PTPRU: variants seen among roughly 807,000 people sequenced by gnomAD.
PTPRU encodes receptor-type tyrosine-protein phosphatase U.
In PTPRU, 69 loss-of-function variants were observed where a neutral mutation model predicts 166.3. The observed-to-expected ratio is 0.41, with a 90% CI of 0.34 to 0.51. The LOEUF is 0.51. Among genes scored for constraint, PTPRU ranks in the 20% least tolerant of loss-of-function variants. PTPRU has a pLI of 0.09. For synonymous variants in PTPRU, 793 were observed against 814.0 expected (o/e 0.97, Z 0.44); for missense variants, 1,657 against 2,013.7 (o/e 0.82, Z 3.39).
intron 8 of PTPRU, among the ~76,000 whole-genome samples, chr1:29,277,339 G>A (rs1331760182): frequency 6.6e-6 from 1 of 152,136 alleles, no homozygotes; most frequent in Non-Finnish European, 1.5e-5. Context: ...GACCTCAGGT[G>A]ATCTGCCCAC....
rs1429066456 is a variant in PTPRU at position 29,260,743 on chromosome 1, C to T, written c.984C>T (p.Arg328=). 1.9e-6 allele frequency: 3 copies of T among 1,610,576 alleles called. No individual in the cohort carries two copies. The highest frequency in any genetic ancestry group is 2.5e-6 in the Non-Finnish European group (3 of 1,178,466). ...AGGAGATTGAGTACCGCATGGCGCG[C>T]GGGCCCTGGGCTGAGGTGCACGCCG... is the stretch of plus-strand genomic sequence containing the variant. ...VRKEIEYRMA[R]GPWAEVHAVS... The change falls in exon 7 of 30, where the codon CGC becomes CGT. Residue 328 remains arginine, a synonymous_variant. Transcript: ENST00000373779. This position sits in a 1 kb window ranked among gnomAD's most constrained non-coding sequence, Gnocchi z 8.3.
In PTPRU at chr1:29,260,509, A is replaced by T; in HGVS notation, c.851-101A>T. On this transcript the variant is annotated intron_variant, in intron 6 of 29. Transcript: ENST00000373779. The surrounding 1 kb of genome is among the most constrained non-coding windows in gnomAD (Gnocchi z 8.3). ...GCTTGGTAGCAGCGTGAGAGGCCCT[A>T]GGAGGACGGAGAGGGATTTGGGTGT... 1 of 909,596 alleles carries T rather than the reference A, an allele frequency of 1.1e-6. No homozygotes were observed. Among genetic ancestry groups the T allele is most frequent in the Non-Finnish European group, 1.6e-6 (1 of 635,468 alleles). 56.3% of individuals were successfully genotyped at this position (909,596 alleles called of 1,614,324 possible). A position where few individuals can be genotyped will look rare whatever the true frequency, so the allele number is the denominator to read the frequency against.
chr1:29,306,742 T>C (rs2151964583), intron 18 of PTPRU, among the ~76,000 whole-genome samples: 1 of 152,206 alleles, frequency 6.6e-6, no homozygotes, highest in East Asian at 1.9e-4. Flanking sequence ...TCTCTGGAGG[T>C]GGCCTCTCCT....
intron 1 of PTPRU, among the ~76,000 whole-genome samples, chr1:29,245,223 T>C (rs1011676598): frequency 2.0e-5 from 3 of 152,208 alleles, no homozygotes; most frequent in African/African-American, 7.2e-5. Context: ...TTATAATACC[T>C]GGACAATGTG....
intron 11 of PTPRU, among the ~76,000 whole-genome samples, chr1:29,281,079 G>A (rs1686062341): frequency 1.3e-5 from 2 of 152,132 alleles, no homozygotes; most frequent in Non-Finnish European, 1.5e-5. Context: ...TTCCTTCCAC[G>A]AAGGTACATG....
At chr1:29,259,776 T>G in intron 5 of PTPRU, 94 bp from the exon 6 acceptor site, 1 of 1,379,452 alleles carries the variant, frequency 7.2e-7, no homozygotes, top group Non-Finnish European at 9.6e-7. Context: ...GTCCGCGCGG[T>G]GTAGTAGGGA....
At chr1:29,270,539 G>A (rs2151949181) in intron 7 of PTPRU, among the ~76,000 whole-genome samples, 1 of 152,250 alleles carries the variant, frequency 6.6e-6, no homozygotes, top group Admixed American at 6.5e-5. Flanking sequence ...GAACCCCTGA[G>A]CGATCCTGCC....
intron 7 of PTPRU, among the ~76,000 whole-genome samples, chr1:29,270,502 C>A (rs1412057940): frequency 6.6e-6 from 1 of 152,076 alleles, no homozygotes; most frequent in African/African-American, 2.4e-5. Context: ...GATGAGGTCT[C>A]ACTACTATGT....
In PTPRU at chr1:29,317,771, G is replaced by A. The variant is rs369271634; in HGVS notation, c.3537G>A (p.Pro1179=). ...EFQTLNSVTP[P]LDVEECSIAL... is the part of the protein sequence containing the mutation. ...AGACGCTGAACTCGGTCACCCCGCC[G>A]CTGGACGTGGAGGAGTGCAGCATCG... is the stretch of plus-strand genomic sequence containing the variant. Residue 1179 remains proline, a synonymous_variant, in exon 25 of 30, where the codon CCG becomes CCA. Coordinates refer to ENST00000373779, the MANE Select transcript of PTPRU (RefSeq NM_133178.4). The surrounding 1 kb of genome is among the most constrained non-coding windows in gnomAD (Gnocchi z 5.6). 1.8e-4 allele frequency: 287 copies of A among 1,610,794 alleles called. No homozygotes were observed. Among genetic ancestry groups the A allele is most frequent in the Middle Eastern group, 1.6e-4 (1 of 6,080 alleles).
At position 29,236,552 on chromosome 1, in the gene PTPRU, C is replaced by A. The variant is rs551690133; in HGVS notation, c.-93C>A. ...CGCTCCGCGCCGCGCCGCTCCGCTC[C>A]GGCTCGGGCTCCGGCTCGCCTCGGG... On this transcript the variant is annotated 5_prime_UTR_variant, in exon 1 of 30. Transcript: ENST00000373779. The surrounding 1 kb of genome is among the most constrained non-coding windows in gnomAD (Gnocchi z 4.6). The A allele has an allele frequency of 2.0e-6, 2 of 1,004,086 alleles. No individual in the cohort carries two copies. The highest frequency in any genetic ancestry group is 2.5e-6 in the Non-Finnish European group (2 of 806,702). The allele number at this position is 1,004,086 out of a possible 1,614,324, so 62.2% of individuals were successfully genotyped here.
chr1:29,275,047 C>CA (rs1423464895), intron 7 of PTPRU, among the ~76,000 whole-genome samples: 6,657 of 64,316 alleles, frequency 0.1, 177 homozygotes, highest in South Asian at 0.14. Context: ...GAGCCTCTGT[C>CA]AAAAAAAAAA....
chr1:29,240,041 C>T (rs942996921), intron 1 of PTPRU, among the ~76,000 whole-genome samples: 6 of 152,208 alleles, frequency 3.9e-5, no homozygotes, highest in African/African-American at 1.4e-4. Flanking sequence ...GACCTTCTTA[C>T]CAAAGACCCA....
chr1:29,320,617 T>TGGGGCAGAGGCTCAGCCC lies in PTPRU; in HGVS notation c.3688-67_3688-50dup. On this transcript the variant is annotated intron_variant, in intron 25 of 29. Coordinates refer to ENST00000373779, the MANE Select transcript of PTPRU (RefSeq NM_133178.4). This position sits in a 1 kb window ranked among gnomAD's most constrained non-coding sequence, Gnocchi z 5.2. ...GGGTGGGCAGTGCGGGAAGACAGCC[T>TGGGGCAGAGGCTCAGCCC]GGGGCAGAGGCTCAGCCCAGGCCAG... 1 of 1,464,642 alleles carries TGGGGCAGAGGCTCAGCCC rather than the reference T, an allele frequency of 6.8e-7. No homozygotes were observed. The highest frequency in any genetic ancestry group is 9.1e-7 in the Non-Finnish European group (1 of 1,095,066). 90.7% of individuals were successfully genotyped at this position (1,464,642 alleles called of 1,614,324 possible).
rs751780427 is a variant in PTPRU, at chr1:29,282,925, C to T, written c.2118C>T (p.Phe706=). The part of the protein sequence containing the change: ...LEPRKAYLIY[F]QAASHLKGET... ...CTAGGAAGGCCTATCTCATCTACTTCCAGGCAGCAAGCCACCTGAAGGGGG... is the reference window on the plus strand; with the variant it reads ...CTAGGAAGGCCTATCTCATCTACTTTCAGGCAGCAAGCCACCTGAAGGGGG... The change falls in exon 12 of 30, where the codon TTC becomes TTT. Residue 706 remains phenylalanine (F), a synonymous_variant. Coordinates refer to ENST00000373779, the MANE Select transcript of PTPRU (RefSeq NM_133178.4). 1.9e-6 allele frequency: 3 copies of T among 1,613,850 alleles called. No individual in the cohort carries two copies. Among genetic ancestry groups the T allele is most frequent in the South Asian group, 1.1e-5 (1 of 91,080 alleles).
intron 18 of PTPRU, among the ~76,000 whole-genome samples, chr1:29,306,140 C>T (rs983854658): frequency 5.9e-5 from 9 of 152,190 alleles, no homozygotes; most frequent in Non-Finnish European, 7.4e-5. Flanking sequence ...TGAGGCTGTC[C>T]TGCCCCCTGC....
At chr1:29,239,309 G>C (rs1683931386) in intron 1 of PTPRU, among the ~76,000 whole-genome samples, 1 of 152,206 alleles carries the variant, frequency 6.6e-6, no homozygotes, top group African/African-American at 2.4e-5. Context: ...TTGCAAACCT[G>C]GTAGTTATTT....
chr1:29,315,173 C>T lies in PTPRU; in HGVS notation c.3228-199C>T, dbSNP rs894816368. Among the ~76,000 whole-genome samples the T allele has an allele frequency of 2.0e-5, 3 of 152,208 alleles. No individual in the cohort carries two copies. Among genetic ancestry groups the T allele is most frequent in the Non-Finnish European group, 4.4e-5 (3 of 68,038 alleles). ...TCCTTCCCTGAGGCCCATCCCATCT[C>T]TGTCCTCTAGCACATTTCACTAGAG... On this transcript the variant is annotated intron_variant, in intron 22 of 29. Transcript: ENST00000373779. The surrounding 1 kb of genome is among the most constrained non-coding windows in gnomAD (Gnocchi z 4.5).
intron 7 of PTPRU, among the ~76,000 whole-genome samples, chr1:29,263,507 T>A (rs1685161203): frequency 6.6e-6 from 1 of 152,228 alleles, no homozygotes; most frequent in Non-Finnish European, 1.5e-5. Flanking sequence ...ATGTTTTCAT[T>A]TTTCTTATGT....
At chr1:29,240,956 T>C (rs1190217184) in intron 1 of PTPRU, among the ~76,000 whole-genome samples, 1 of 152,088 alleles carries the variant, frequency 6.6e-6, no homozygotes, top group Non-Finnish European at 1.5e-5. Context: ...CATCCCGTGG[T>C]GGCCCTGGCA....
Sources: gnomAD v4.1 joint callset for allele counts (sites outside exome capture counted in the v4.1 genomes callset) on GRCh38, gnomAD v4.1.1 for gene constraint, Gnocchi (gnomAD v3.1) non-coding constraint, MANE v1.5 for transcripts, NCBI Gene and HGNC (gene_info 2026-07-23, HGNC 2026-07-21) for gene names.